CERS6: variants seen among roughly 807,000 people sequenced by gnomAD.
CERS6 encodes the protein LAG1 homolog, ceramide synthase 6.
CERS6 carries 26 observed loss-of-function variants against 56.8 expected under a neutral mutation model. The observed-to-expected ratio is 0.46, with a 90% confidence interval of 0.34 to 0.63. CERS6 has a LOEUF of 0.63. CERS6 is among the 30% of genes least tolerant of loss of function. The pLI is 0.01. For synonymous variants in CERS6, 164 were observed against 173.3 expected (o/e 0.95, Z 0.42); for missense variants, 415 against 467.5 (o/e 0.89, Z 1.04).
At chr2:168,698,562 G>A (rs1197087667) in intron 6 of CERS6, among the ~76,000 whole-genome samples, 1 of 152,106 alleles carries the variant, frequency 6.6e-6, no homozygotes, top group Non-Finnish European at 1.5e-5. Context: ...GTTAAACGAT[G>A]AGAAACCGCA....
chr2:168,610,191 A>G (rs1000114280), intron 3 of CERS6, among the ~76,000 whole-genome samples: 2 of 151,828 alleles, frequency 1.3e-5, no homozygotes, highest in Non-Finnish European at 2.9e-5. Context: ...GTTGGCCAGG[A>G]TGGTCTCGAT....
intron 8 of CERS6, among the ~76,000 whole-genome samples, chr2:168,756,745 A>G (rs1306472807): frequency 6.6e-6 from 1 of 152,162 alleles, no homozygotes. Flanking sequence ...GGAGAAAGGG[A>G]TGGGAGAGCC....
At chr2:168,477,263 T>G (rs1479612735) in intron 1 of CERS6, among the ~76,000 whole-genome samples, 1 of 151,718 alleles carries the variant, frequency 6.6e-6, no homozygotes, top group African/African-American at 2.4e-5. Flanking sequence ...TCCACCCTTG[T>G]AATTGCTTCT....
At chr2:168,634,949 G>A (rs1403891363) in intron 4 of CERS6, among the ~76,000 whole-genome samples, 2 of 152,180 alleles carry the variant, frequency 1.3e-5, no homozygotes, top group Non-Finnish European at 2.9e-5. Context: ...AGTCTGCAAT[G>A]AGATAAGAAG....
rs1247185710 is a variant in CERS6, at chr2:168,771,150, G to C, written c.*1488G>C. 6.6e-6 allele frequency: 1 copy of C among 152,196 alleles called. No individual in the cohort carries two copies. Among genetic ancestry groups the C allele is most frequent in the South Asian group, 2.1e-4 (1 of 4,824 alleles). 9.4% of individuals were successfully genotyped at this position (152,196 alleles called of 1,614,324 possible). A position where few individuals can be genotyped will look rare whatever the true frequency, so the allele number is the denominator to read the frequency against. Reference sequence around the variant, plus strand: ...GCCATAATATAAATGTGTGAATCAGGGCTGTGAAGACAACAGCAGAAATGC... The same window carrying C: ...GCCATAATATAAATGTGTGAATCAGCGCTGTGAAGACAACAGCAGAAATGC... On this transcript the variant is annotated 3_prime_UTR_variant, in exon 10 of 10. Transcript: ENST00000305747.
intron 1 of CERS6, among the ~76,000 whole-genome samples, chr2:168,496,755 A>G (rs553855804): frequency 2.6e-5 from 4 of 152,322 alleles, no homozygotes; most frequent in East Asian, 1.9e-4. Flanking sequence ...TTTTAAAGGA[A>G]TCTCTAGCAT....
intron 6 of CERS6, among the ~76,000 whole-genome samples, chr2:168,704,287 C>G: frequency 6.6e-6 from 1 of 152,058 alleles, no homozygotes; most frequent in East Asian, 1.9e-4. Flanking sequence ...TTACAGAGAG[C>G]CACGCGGTGC....
chr2:168,631,074 T>C (rs1243086376), intron 4 of CERS6, 32 bp downstream of exon 4: 1 of 1,176,488 alleles, frequency 8.5e-7, no homozygotes, highest in East Asian at 2.5e-5. Flanking sequence ...TACATGATTC[T>C]TATGTAAGTG....
In CERS6 at chr2:168,761,891, AT is replaced by A. The variant is rs570080788; in HGVS notation, c.846-3698del. 4.4e-3 allele frequency among the ~76,000 whole-genome samples: 664 copies of A among 152,250 alleles called. 3 individuals are homozygous for A. The highest frequency in any genetic ancestry group is 0.015 in the African/African-American group (641 of 41,542). On this transcript the variant is annotated intron_variant, in intron 8 of 9. Transcript: ENST00000305747. The stretch of plus-strand genomic sequence containing the variant: ...AAATTACTTGTATTTATTAATAAAT[AT>A]TTATTAATAATTTCTGGAAAACCAA...
intron 1 of CERS6, among the ~76,000 whole-genome samples, chr2:168,536,357 A>G (rs1255847699): frequency 1.3e-5 from 2 of 152,180 alleles, no homozygotes; most frequent in East Asian, 3.8e-4. Context: ...GTAGAGATCT[A>G]ATGTACATGA....
At chr2:168,755,579 C>T (rs1684392790) in intron 8 of CERS6, among the ~76,000 whole-genome samples, 1 of 152,182 alleles carries the variant, frequency 6.6e-6, no homozygotes, top group South Asian at 2.1e-4. Flanking sequence ...CTATCCCACC[C>T]ATAGGTTGCT....
At chr2:168,500,742 T>C (rs1462224231) in intron 1 of CERS6, among the ~76,000 whole-genome samples, 1 of 152,242 alleles carries the variant, frequency 6.6e-6, no homozygotes, top group African/African-American at 2.4e-5. Flanking sequence ...TTGGGGATTA[T>C]CTTTGAAGTA....
chr2:168,667,148 T>C (rs1327373495), intron 4 of CERS6, among the ~76,000 whole-genome samples: 1 of 152,242 alleles, frequency 6.6e-6, no homozygotes, highest in Non-Finnish European at 1.5e-5. Flanking sequence ...CAAAGCAATA[T>C]ATTTCGGATT....
chr2:168,562,831 A>G (rs1410138782), intron 3 of CERS6, among the ~76,000 whole-genome samples: 4 of 152,182 alleles, frequency 2.6e-5, no homozygotes, highest in Non-Finnish European at 5.9e-5. Context: ...CTGGCAGTTT[A>G]TGGGAGAAGG....
At chr2:168,663,232 A>T (rs919122817) in intron 4 of CERS6, among the ~76,000 whole-genome samples, 1 of 152,194 alleles carries the variant, frequency 6.6e-6, no homozygotes, top group African/African-American at 2.4e-5. Context: ...CTTAAAAATG[A>T]TAGTACTTTT....
chr2:168,692,132 CTA>C (rs1686520986), intron 5 of CERS6, among the ~76,000 whole-genome samples: 2 of 152,106 alleles, frequency 1.3e-5, no homozygotes, highest in African/African-American at 4.8e-5. Flanking sequence ...TTAGAAAACA[CTA>C]TAAATAAGCA....
intron 1 of CERS6, among the ~76,000 whole-genome samples, chr2:168,534,927 G>A (rs1695233132): frequency 6.6e-6 from 1 of 152,236 alleles, no homozygotes; most frequent in African/African-American, 2.4e-5. Context: ...GCCTCTGGCT[G>A]GAGTTATTGG....
chr2:168,683,683 C>G (rs1172502764), intron 4 of CERS6, among the ~76,000 whole-genome samples: 1 of 152,174 alleles, frequency 6.6e-6, no homozygotes, highest in Non-Finnish European at 1.5e-5. Flanking sequence ...CTCTTTCTCC[C>G]TAATTCCTGT....
intron 1 of CERS6, among the ~76,000 whole-genome samples, chr2:168,530,060 GC>G (rs1199824038): frequency 6.6e-6 from 1 of 152,334 alleles, no homozygotes; most frequent in African/African-American, 2.4e-5. Flanking sequence ...GGAGGCCCAG[GC>G]CCCCACACAG....
Sources: gnomAD v4.1 joint callset for allele counts (sites outside exome capture counted in the v4.1 genomes callset) on GRCh38, gnomAD v4.1.1 for gene constraint, MANE v1.5 for transcripts, NCBI Gene and HGNC (gene_info 2026-07-23, HGNC 2026-07-21) for gene names.